The following NTM variants were observed in gnomAD, a reference collection of about 807,000 sequenced individuals.
NTM encodes the protein IgLON family member 2.
A neutral mutation model predicts 42.1 loss-of-function variants in NTM; 13 were observed. The ratio of observed to expected loss-of-function variants is 0.31; its 90% CI spans 0.20 to 0.49. The LOEUF is 0.49. Ranked by LOEUF, NTM falls within the 20% of genes least tolerant of loss-of-function variation. The pLI, the probability that NTM is intolerant of heterozygous loss-of-function variation, is 0.99. For synonymous variants in NTM, 187 were observed against 179.2 expected, an observed-to-expected ratio of 1.04 and a Z score of -0.35; for missense variants, 373 against 452.8, an observed-to-expected ratio of 0.82 and a Z score of 1.60.
intron 1 of NTM, among the ~76,000 whole-genome samples, chr11:131,410,257 G>A (rs532378024): frequency 2.6e-4 from 39 of 152,182 alleles, no homozygotes; most frequent in African/African-American, 9.2e-4. Context: ...TGGATTGCTT[G>A]AGGCAAGGAG....
At chr11:131,855,905 C>T (rs536306003) in intron 1 of NTM, among the ~76,000 whole-genome samples, 5 of 152,216 alleles carry the variant, frequency 3.3e-5, no homozygotes, top group Non-Finnish European at 4.4e-5. Context: ...GTCTGACACA[C>T]GTCAGATATT....
chr11:131,910,513 C>T (rs1374816130), intron 1 of NTM, among the ~76,000 whole-genome samples: 2 of 151,404 alleles, frequency 1.3e-5, no homozygotes, highest in South Asian at 2.1e-4. Flanking sequence ...CAGTCCGCGC[C>T]GCCAGCCCGC....
In NTM at chr11:132,058,307, G is replaced by A. The variant is rs117664155; in HGVS notation, c.168-87975G>A. On this transcript the variant is annotated intron_variant, in intron 2 of 8. Transcript: ENST00000683400. ...TGGTTTCGGTAAAAATGGGGAAGGC[G>A]TGGAATGTGCTATGGGGCAGTGCTC... is the stretch of plus-strand genomic sequence containing the variant. Among the ~76,000 whole-genome samples the A allele has an allele frequency of 7.9e-3, 1,205 of 152,256 alleles. 43 individuals are homozygous for A. The highest frequency in any genetic ancestry group is 0.062 in the Admixed American group (954 of 15,294).
intron 2 of NTM, among the ~76,000 whole-genome samples, chr11:131,947,297 G>T (rs559146871): frequency 6.6e-6 from 1 of 152,126 alleles, no homozygotes; most frequent in South Asian, 2.1e-4. Flanking sequence ...TGAGGGACTG[G>T]GTTTATCTTC....
chr11:131,584,392 A>G (rs1488194431), intron 1 of NTM, among the ~76,000 whole-genome samples: 1 of 151,538 alleles, frequency 6.6e-6, no homozygotes, highest in Non-Finnish European at 1.5e-5. Context: ...GCGCCTCAGA[A>G]CTCTCCTTCT....
chr11:132,037,058 T>A (rs527479348), intron 2 of NTM, among the ~76,000 whole-genome samples: 1 of 152,302 alleles, frequency 6.6e-6, no homozygotes, highest in South Asian at 2.1e-4. Flanking sequence ...ATAGTTTGGA[T>A]GTTTGATCTC....
chr11:131,902,648 T>G (rs765954307), intron 1 of NTM, among the ~76,000 whole-genome samples: 4 of 152,216 alleles, frequency 2.6e-5, no homozygotes, highest in Non-Finnish European at 5.9e-5. Context: ...GAAACTGGTA[T>G]GGTGTGTCTG....
At chr11:132,006,635 G>A (rs1593641497) in intron 2 of NTM, among the ~76,000 whole-genome samples, 1 of 152,246 alleles carries the variant, frequency 6.6e-6, no homozygotes, top group African/African-American at 2.4e-5. Context: ...TCTAAATTCA[G>A]GAGAGCTCTG....
rs559959858 is a variant in NTM at position 132,081,238 on chromosome 11, T to C, written c.168-65044T>C. ...ATGAGAATGGATAATTAGAAATTTG[T>C]CATGTGGAAATCAAACACACATGCA... On this transcript the variant is annotated intron_variant, in intron 2 of 8. Transcript: ENST00000683400. 8.5e-4 allele frequency among the ~76,000 whole-genome samples: 129 copies of C among 152,292 alleles called. 1 individual carries two copies. Among genetic ancestry groups the C allele is most frequent in the African/African-American group, 3.1e-3 (127 of 41,564 alleles).
rs1565465190 is a variant in NTM at position 131,401,812 on chromosome 11, A to ATATATATATATATATATGTG, written c.82+30941_82+30942insGTGTATATATATATATATAT. On this transcript the variant is annotated intron_variant, in intron 1 of 8. Coordinates refer to ENST00000683400, the MANE Select transcript of NTM (RefSeq NM_001352005.2). Reference sequence around the variant, plus strand: ...CAGGCCACTGGAAATATATATATATATATATATATATATATATATATATAT... The same window carrying ATATATATATATATATATGTG: ...CAGGCCACTGGAAATATATATATATATATATATATATATATATGTGTATATATATATATATATATATATAT... Among the ~76,000 whole-genome samples the ATATATATATATATATATGTG allele has an allele frequency of 4.2e-3, 91 of 21,610 alleles. 6 individuals carry two copies. The highest frequency in any genetic ancestry group is 0.012 in the South Asian group (5 of 402). 14.2% of individuals were successfully genotyped at this position (21,610 alleles called of 152,430 possible).
chr11:131,737,043 T>C lies in NTM; in HGVS notation c.83-174521T>C, dbSNP rs114294516. ...TGCTCCTTCATAGGCATGGCGGTGC[T>C]GTACATTTATTTAGCACGCTGCTAC... On this transcript the variant is annotated intron_variant, in intron 1 of 8. Transcript: ENST00000683400. Among the ~76,000 whole-genome samples the C allele has an allele frequency of 1.6e-3, 248 of 152,318 alleles. 1 individual carries two copies. The highest frequency in any genetic ancestry group is 5.7e-3 in the African/African-American group (237 of 41,574).
intron 1 of NTM, among the ~76,000 whole-genome samples, chr11:131,659,095 G>T (rs763349856): frequency 4.1e-4 from 62 of 152,150 alleles, no homozygotes; most frequent in Admixed American, 8.5e-4. Context: ...CCTCCCTCAG[G>T]GTCCAGAGCA....
chr11:131,664,753 G>GTT (rs199824869), intron 1 of NTM, among the ~76,000 whole-genome samples: 2 of 112,908 alleles, frequency 1.8e-5, no homozygotes, highest in African/African-American at 6.7e-5. Flanking sequence ...CTCTTCCATT[G>GTT]TTTTTTTTTT....
chr11:132,260,527 C>CA (rs1566602124), intron 4 of NTM, among the ~76,000 whole-genome samples: 1 of 151,842 alleles, frequency 6.6e-6, no homozygotes, highest in Admixed American at 6.6e-5. Context: ...TAAGAGAAAC[C>CA]AAAAAATGAA....
intron 4 of NTM, among the ~76,000 whole-genome samples, chr11:132,268,041 C>T (rs566415708): frequency 2.0e-5 from 3 of 152,150 alleles, no homozygotes; most frequent in South Asian, 2.1e-4. Context: ...GAGTCAAGAA[C>T]TAGATTGTAG....
chr11:132,042,629 G>A (rs579984), intron 2 of NTM, among the ~76,000 whole-genome samples: 57,270 of 151,938 alleles, frequency 0.38, 11,930 homozygotes, highest in East Asian at 0.8. Context: ...TTAGAGCTGG[G>A]AACACAAAAT....
At position 132,317,356 on chromosome 11, in the gene NTM, A is replaced by G. The variant is rs374778336; in HGVS notation, c.934+2653A>G. 2.1e-3 allele frequency among the ~76,000 whole-genome samples: 314 copies of G among 152,306 alleles called. 1 individual carries two copies. Among genetic ancestry groups the G allele is most frequent in the African/African-American group, 7.2e-3 (301 of 41,574 alleles). ...AACTTTAGTCCTTTGTTATCCAGTT[A>G]GTAGCATGGCTCAGCATGAGCTAAG... On this transcript the variant is annotated intron_variant, in intron 7 of 8. Coordinates refer to ENST00000683400, the MANE Select transcript of NTM (RefSeq NM_001352005.2).
At chr11:131,788,970 A>G (rs950667570) in intron 1 of NTM, among the ~76,000 whole-genome samples, 6 of 151,916 alleles carry the variant, frequency 3.9e-5, no homozygotes, top group African/African-American at 7.3e-5. Context: ...GTTCTGGCTC[A>G]TTACCCGTTT....
At chr11:131,685,960 A>G (rs990518256) in intron 1 of NTM, among the ~76,000 whole-genome samples, 1 of 152,222 alleles carries the variant, frequency 6.6e-6, no homozygotes, top group African/African-American at 2.4e-5. Context: ...TGGGCTCAGG[A>G]TGCTTACAAA....
Sources: gnomAD v4.1 joint callset for allele counts (sites outside exome capture counted in the v4.1 genomes callset) on GRCh38, gnomAD v4.1.1 for gene constraint, MANE v1.5 for transcripts, NCBI Gene and HGNC (gene_info 2026-07-23, HGNC 2026-07-21) for gene names.